DST: variants seen among roughly 807,000 people sequenced by gnomAD.
DST encodes bullous pemphigoid antigen.
Under a neutral mutation model 875.2 loss-of-function variants are expected in DST, and 253 were observed. That is an observed-to-expected ratio of 0.29 (90% CI 0.26 to 0.32). DST has a LOEUF of 0.32. DST is among the 10% of genes least tolerant of loss of function. The pLI is 1.00. For missense variants in DST, 8,287 were observed against 9,111.6 expected (o/e 0.91, Z 3.68); for synonymous variants, 3,124 against 3,197.1 (o/e 0.98, Z 0.77).
intron 3 of DST, among the ~76,000 whole-genome samples, chr6:56,893,562 C>CTTTTTT (rs1282483681): frequency 8.6e-4 from 31 of 35,906 alleles, no homozygotes; most frequent in African/African-American, 1.8e-3. Flanking sequence ...ACTTTTAGTT[C>CTTTTTT]TTTTTTTTTT....
chr6:56,769,383 C>A (rs368140011), intron 4 of DST, among the ~76,000 whole-genome samples: 7 of 152,268 alleles, frequency 4.6e-5, no homozygotes, highest in African/African-American at 1.7e-4. Flanking sequence ...TTGTTTCTTA[C>A]AAAGCTAAAC....
chr6:56,913,438 A>G (rs1239794291), intron 2 of DST, among the ~76,000 whole-genome samples: 1 of 152,186 alleles, frequency 6.6e-6, no homozygotes, highest in East Asian at 1.9e-4. Context: ...CTTCGGACAA[A>G]CTGACCCACC....
At chr6:56,953,742 G>A in intron 2 of DST, 43 bp downstream of exon 2, 1 of 1,295,886 alleles carries the variant, frequency 7.7e-7, no homozygotes. Flanking sequence ...ACTCAGGAAA[G>A]AGAACTTCTT....
At chr6:56,721,251 A>G (rs1255980444) in intron 5 of DST, among the ~76,000 whole-genome samples, 1 of 152,168 alleles carries the variant, frequency 6.6e-6, no homozygotes, top group Non-Finnish European at 1.5e-5. Context: ...TTCTTTTTTC[A>G]ACATGCCCAG....
Position 56,605,555 on chromosome 6 carries a change from G to T in DST, c.9073C>A (p.Pro3025Thr). Reference protein sequence around the residue: ...SLIASVTDKDPQGNGSDLIKG... With the variant: ...SLIASVTDKDTQGNGSDLIKG... The stretch of plus-strand genomic sequence containing the variant: ...ATGAGATCGCTTCCATTTCCTTGAG[G>T]ATCTTTGTCAGTTACAGAGGCTATC... Residue 3025 changes from proline to threonine, a missense_variant, in exon 40 of 104, where the codon CCT becomes ACT. By Grantham distance (38) the Pro-to-Thr change is conservative. Transcript: ENST00000680361. 6.2e-7 allele frequency: 1 copy of T among 1,612,988 alleles called. No individual in the cohort carries two copies.
intron 5 of DST, among the ~76,000 whole-genome samples, chr6:56,726,382 T>C (rs551827312): frequency 4.6e-5 from 7 of 152,326 alleles, no homozygotes; most frequent in African/African-American, 1.7e-4. Flanking sequence ...TTTGATTCTA[T>C]GGAAAAGAAT....
chr6:56,559,443 A>G (rs2097497340), intron 58 of DST, among the ~76,000 whole-genome samples: 1 of 152,150 alleles, frequency 6.6e-6, no homozygotes, highest in African/African-American at 2.4e-5. Flanking sequence ...ATATACTTAG[A>G]GATTTCTACA....
chr6:56,871,359 T>C (rs1027685610), intron 3 of DST: 7 of 1,084,598 alleles, frequency 6.5e-6, no homozygotes, highest in Non-Finnish European at 1.0e-5. Context: ...ACAGAAACAG[T>C]GTGTACCATT....
Position 56,458,720 on chromosome 6 carries a change from G to A in DST, c.*285C>T. ...TGTCAGAGAGGATGTAGACTTACCT[G>A]TAGGTACAGTAACTGAGTTTAGTGT... On this transcript the variant is annotated 3_prime_UTR_variant, in exon 104 of 104. Transcript: ENST00000680361. 1 of 251,734 alleles carries A rather than the reference G, an allele frequency of 4.0e-6. No individual in the cohort carries two copies. Among genetic ancestry groups the A allele is most frequent in the East Asian group, 7.8e-5 (1 of 12,774 alleles). 15.6% of individuals were successfully genotyped at this position (251,734 alleles called of 1,614,324 possible). A position where few individuals can be genotyped will look rare whatever the true frequency, so the allele number is the denominator to read the frequency against.
At position 56,738,656 on chromosome 6, in the gene DST, C is replaced by T. The variant is rs556910838; in HGVS notation, c.626-3367G>A. Among the ~76,000 whole-genome samples the T allele has an allele frequency of 3.3e-5, 5 of 152,036 alleles. No individual in the cohort carries two copies. The South Asian group carries it at 1.0e-3, about 32-fold the overall frequency. On this transcript the variant is annotated intron_variant, in intron 4 of 103. Transcript: ENST00000680361. ...TTGTTTTGTTTGAGACAGTCTCGCT[C>T]TGTTGCCCAGGCTGGACTACAGTGG...
intron 9 of DST, among the ~76,000 whole-genome samples, chr6:56,687,165 T>C (rs1193297962): frequency 6.6e-6 from 1 of 152,220 alleles, no homozygotes; most frequent in Non-Finnish European, 1.5e-5. Flanking sequence ...AAATCCCTAT[T>C]GATTCAGAGG....
chr6:56,526,321 A>G (rs762381309), intron 69 of DST, 40 bp downstream of exon 69: 1 of 1,600,210 alleles, frequency 6.2e-7, no homozygotes, highest in Admixed American at 1.7e-5. Context: ...GAACAGCTGG[A>G]GAAAATTTAT....
intron 10 of DST, among the ~76,000 whole-genome samples, chr6:56,668,725 G>A (rs975132767): frequency 1.4e-4 from 22 of 152,012 alleles, no homozygotes; most frequent in Admixed American, 1.0e-3. Context: ...CTGAGATCAT[G>A]CCATTGCACT....
chr6:56,479,169 A>ATTGAG (rs1447050254), intron 90 of DST, among the ~76,000 whole-genome samples: 1 of 152,206 alleles, frequency 6.6e-6, no homozygotes, highest in African/African-American at 2.4e-5. Context: ...CAACAAACAC[A>ATTGAG]TGAAAAATGC....
intron 10 of DST, among the ~76,000 whole-genome samples, chr6:56,657,654 G>A (rs949528942): frequency 1.4e-4 from 22 of 152,194 alleles, no homozygotes; most frequent in Admixed American, 1.4e-3. Context: ...TCTGGAGATG[G>A]ATGGCGGTGA....
intron 49 of DST, among the ~76,000 whole-genome samples, chr6:56,580,984 C>G (rs1001751811): frequency 1.3e-5 from 2 of 150,040 alleles, no homozygotes; most frequent in Admixed American, 1.3e-4. Context: ...ATCCTCCCAC[C>G]TCGGCCGTCC....
chr6:56,634,274 G>A lies in DST; in HGVS notation c.3495-16C>T, dbSNP rs139410122. ...TTGCTCAATTCTGAAATACATGAAA[G>A]AGAACTCAGATTAATGTTTTTACTC... is the stretch of plus-strand genomic sequence containing the variant. On this transcript the variant is annotated splice_polypyrimidine_tract_variant and intron_variant, in intron 26 of 103. Transcript: ENST00000680361. The A allele has an allele frequency of 3.0e-4, 482 of 1,613,730 alleles. 1 individual carries two copies. In the African/African-American group the frequency reaches 6.0e-3, roughly 20 times the overall value.
intron 2 of DST, among the ~76,000 whole-genome samples, chr6:56,906,582 A>T (rs936066388): frequency 2.6e-5 from 4 of 152,130 alleles, no homozygotes; most frequent in Non-Finnish European, 4.4e-5. Flanking sequence ...TGTAGACGTC[A>T]CACCTGATCA....
chr6:56,494,781 T>C (rs2095855709), intron 82 of DST, among the ~76,000 whole-genome samples: 1 of 152,096 alleles, frequency 6.6e-6, no homozygotes, highest in African/African-American at 2.4e-5. Context: ...GTATCTTCTA[T>C]ACAGGACATA....
Sources: gnomAD v4.1 joint callset for allele counts (sites outside exome capture counted in the v4.1 genomes callset) on GRCh38, gnomAD v4.1.1 for gene constraint, MANE v1.5 for transcripts, NCBI Gene and HGNC (gene_info 2026-07-23, HGNC 2026-07-21) for gene names.